Variants in GRM7 observed in about 807,000 individuals in gnomAD.
GRM7 encodes the protein glutamate metabotropic receptor 7.
Under a neutral mutation model 84.5 loss-of-function variants are expected in GRM7, and 35 were observed. The ratio of observed to expected loss-of-function variants is 0.41; its 90% CI spans 0.32 to 0.55. The LOEUF is 0.55. Among genes scored for constraint, GRM7 ranks in the 20% least tolerant of loss-of-function variants. The pLI, the probability that GRM7 is intolerant of heterozygous loss-of-function variation, is 0.19. For synonymous variants in GRM7, 487 were observed against 455.1 expected (o/e 1.07, Z -0.89); for missense variants, 1,003 against 1,194.6 (o/e 0.84, Z 2.36).
chr3:6,919,797 G>T (rs770447843), intron 1 of GRM7, among the ~76,000 whole-genome samples: 1 of 152,024 alleles, frequency 6.6e-6, no homozygotes. Context: ...TTTAACCATG[G>T]TAGGAAATTA....
At chr3:7,350,348 G>A (rs1305914951) in intron 4 of GRM7, among the ~76,000 whole-genome samples, 1 of 152,020 alleles carries the variant, frequency 6.6e-6, no homozygotes, top group Admixed American at 6.6e-5. Context: ...GGTTTCTCAT[G>A]ATTTAACACC....
intron 4 of GRM7, among the ~76,000 whole-genome samples, chr3:7,407,112 C>G (rs945881333): frequency 1.4e-4 from 22 of 152,264 alleles, no homozygotes; most frequent in African/African-American, 5.1e-4. Context: ...TTGAGTAAAA[C>G]CCTTACCACA....
At chr3:6,984,598 C>A (rs186011772) in intron 1 of GRM7, among the ~76,000 whole-genome samples, 1 of 152,086 alleles carries the variant, frequency 6.6e-6, no homozygotes, top group Admixed American at 6.6e-5. Flanking sequence ...ACCCTGTGAA[C>A]ATTGTAGAGT....
chr3:7,100,545 T>A (rs937000881), intron 1 of GRM7, among the ~76,000 whole-genome samples: 1 of 151,888 alleles, frequency 6.6e-6, no homozygotes, highest in Non-Finnish European at 1.5e-5. Flanking sequence ...ATGAGTGTAC[T>A]GTGGAATACC....
chr3:7,212,109 A>T (rs1696450100), intron 2 of GRM7, among the ~76,000 whole-genome samples: 1 of 151,876 alleles, frequency 6.6e-6, no homozygotes, highest in Non-Finnish European at 1.5e-5. Context: ...TTGAAGTACC[A>T]CATTCATATG....
chr3:6,908,910 T>A (rs1696673372), intron 1 of GRM7, among the ~76,000 whole-genome samples: 1 of 152,102 alleles, frequency 6.6e-6, no homozygotes, highest in Admixed American at 6.6e-5. Context: ...GCTAGGTAAG[T>A]CAAGAATGCC....
chr3:7,717,664 CT>C (rs3840231), intron 9 of GRM7, among the ~76,000 whole-genome samples: 143,233 of 152,294 alleles, frequency 0.94, 67,462 homozygotes, highest in African/African-American at 0.99. Context: ...CAACCTCTAG[CT>C]TAGCCAGGTG....
At chr3:7,651,372 T>A (rs760371423) in intron 8 of GRM7, among the ~76,000 whole-genome samples, 3 of 152,234 alleles carry the variant, frequency 2.0e-5, no homozygotes, top group Non-Finnish European at 4.4e-5. Context: ...CCAGTTCATT[T>A]GTTTGCAGTA....
chr3:7,166,697 G>GC (rs1239614422), intron 2 of GRM7, among the ~76,000 whole-genome samples: 1 of 152,168 alleles, frequency 6.6e-6, no homozygotes, highest in Non-Finnish European at 1.5e-5. Context: ...CAGGGCAGCT[G>GC]CTTATTAACG....
chr3:6,888,625 G>A (rs1255875277), intron 1 of GRM7, among the ~76,000 whole-genome samples: 4 of 151,936 alleles, frequency 2.6e-5, no homozygotes, highest in Non-Finnish European at 5.9e-5. Flanking sequence ...TGCTGTTTTG[G>A]TTACTGTAGC....
chr3:7,365,847 TTC>T (rs202235601), intron 4 of GRM7, among the ~76,000 whole-genome samples: 2,527 of 151,442 alleles, frequency 0.017, 67 homozygotes, highest in African/African-American at 0.058. Flanking sequence ...AGGTAGCTCT[TTC>T]TCTAAAGGAT....
At position 7,459,493 on chromosome 3, in the gene GRM7, C is replaced by T. The variant is rs1315882379; in HGVS notation, c.1376-2090C>T. 3.3e-5 allele frequency among the ~76,000 whole-genome samples: 5 copies of T among 152,046 alleles called. No individual in the cohort carries two copies. In the East Asian group the frequency reaches 5.8e-4, roughly 18 times the overall value. On this transcript the variant is annotated intron_variant, in intron 6 of 9. Transcript: ENST00000357716. Reference sequence around the variant, plus strand: ...TATAAAGAAAAGGGGGTTTAATGGACTCACAGTTCCATGAGGCTGGGGAAG... The same window carrying T: ...TATAAAGAAAAGGGGGTTTAATGGATTCACAGTTCCATGAGGCTGGGGAAG...
intron 2 of GRM7, among the ~76,000 whole-genome samples, chr3:7,290,468 T>TTCCTG (rs1699582676): frequency 6.6e-6 from 1 of 152,180 alleles, no homozygotes; most frequent in Non-Finnish European, 1.5e-5. Flanking sequence ...AATGATAAAA[T>TTCCTG]TCCTGAATAC....
chr3:7,464,489 G>T (rs1698379930), intron 7 of GRM7, among the ~76,000 whole-genome samples: 1 of 152,096 alleles, frequency 6.6e-6, no homozygotes, highest in Non-Finnish European at 1.5e-5. Flanking sequence ...TACAAAGAGA[G>T]ATAAGAGAAG....
intron 2 of GRM7, among the ~76,000 whole-genome samples, chr3:7,194,590 C>A (rs1160347577): frequency 2.0e-5 from 3 of 152,088 alleles, no homozygotes; most frequent in African/African-American, 7.2e-5. Flanking sequence ...ACCCTTCACG[C>A]CTTCCTCTCA....
chr3:7,422,398 A>G (rs1401538339), intron 5 of GRM7, among the ~76,000 whole-genome samples: 1 of 152,194 alleles, frequency 6.6e-6, no homozygotes, highest in East Asian at 1.9e-4. Context: ...TAATGCAACT[A>G]AGGAGCTGAC....
chr3:7,161,213 A>C (rs551722904), intron 2 of GRM7, among the ~76,000 whole-genome samples: 96 of 152,178 alleles, frequency 6.3e-4, no homozygotes, highest in African/African-American at 2.3e-3. Flanking sequence ...GGCACCACCA[A>C]GATAGATCCA....
At chr3:7,033,026 A>G (rs1696243973) in intron 1 of GRM7, among the ~76,000 whole-genome samples, 1 of 152,192 alleles carries the variant, frequency 6.6e-6, no homozygotes, top group South Asian at 2.1e-4. Context: ...CAAGGCATCA[A>G]TAGAGATGGG....
intron 2 of GRM7, among the ~76,000 whole-genome samples, chr3:7,232,251 A>T (rs1697217524): frequency 7.2e-6 from 1 of 139,018 alleles, no homozygotes; most frequent in Non-Finnish European, 1.5e-5. Flanking sequence ...CAGATCTTGT[A>T]AAAAAAAAAA....
Sources: gnomAD v4.1 joint callset for allele counts (sites outside exome capture counted in the v4.1 genomes callset) on GRCh38, gnomAD v4.1.1 for gene constraint, MANE v1.5 for transcripts, NCBI Gene and HGNC (gene_info 2026-07-23, HGNC 2026-07-21) for gene names.